Variants in EFHC2 observed in about 807,000 individuals in gnomAD.
The protein encoded by EFHC2 is EF-hand domain containing 2.
In EFHC2, 18 loss-of-function variants were observed where a neutral mutation model predicts 52.7. That is an observed-to-expected ratio of 0.34 (90% CI 0.24 to 0.51). The LOEUF (loss-of-function observed/expected upper bound fraction) is 0.51, where lower values mean the gene tolerates loss of function less well. Ranked by LOEUF, EFHC2 falls within the 20% of genes least tolerant of loss-of-function variation. EFHC2 has a pLI of 0.97. For missense variants in EFHC2, 513 were observed against 562.5 expected (o/e 0.91, Z 0.89); for synonymous variants, 203 against 204.1 (o/e 0.99, Z 0.04).
At chrX:44,277,421 G>A (rs966391821) in intron 2 of EFHC2, among the ~76,000 whole-genome samples, 2 of 111,599 alleles carry the variant, frequency 1.8e-5, no homozygotes, top group Admixed American at 9.5e-5. Flanking sequence ...TATGAAAAAG[G>A]TTCAGACTTA....
intron 9 of EFHC2, among the ~76,000 whole-genome samples, chrX:44,235,097 C>A (rs2037308674): frequency 9.0e-6 from 1 of 111,028 alleles, no homozygotes; most frequent in African/African-American, 3.3e-5. Context: ...CCTAAGCCAA[C>A]CAAAACTGTT....
At chrX:44,292,457 A>G (rs1378078893) in intron 2 of EFHC2, among the ~76,000 whole-genome samples, 1 of 112,072 alleles carries the variant, frequency 8.9e-6, no homozygotes, top group Admixed American at 9.5e-5. Context: ...CACATGAAAC[A>G]AAGTTGTGTA....
At chrX:44,210,312 T>C (rs2037085677) in intron 11 of EFHC2, among the ~76,000 whole-genome samples, 1 of 112,213 alleles carries the variant, frequency 8.9e-6, no homozygotes, top group Non-Finnish European at 1.9e-5. Context: ...ACAGGGTTTG[T>C]TATAGAAATT....
At chrX:44,275,885 G>C (rs1221865516) in intron 2 of EFHC2, among the ~76,000 whole-genome samples, 1 of 105,432 alleles carries the variant, frequency 9.5e-6, no homozygotes, top group Non-Finnish European at 1.9e-5. Context: ...CTGCACTCCA[G>C]CCTGGGTGAT....
At chrX:44,328,492 T>C (rs2038065734) in intron 1 of EFHC2, among the ~76,000 whole-genome samples, 2 of 111,061 alleles carry the variant, frequency 1.8e-5, no homozygotes, top group African/African-American at 6.6e-5. Context: ...GCTGACTTCT[T>C]AGAACTAAAT....
At chrX:44,265,919 A>T (rs2037573334) in intron 3 of EFHC2, among the ~76,000 whole-genome samples, 1 of 112,276 alleles carries the variant, frequency 8.9e-6, no homozygotes, top group Non-Finnish European at 1.9e-5. Flanking sequence ...AAGAATAAGA[A>T]GTTAAAAATT....
At chrX:44,331,807 C>A (rs1460426224) in intron 1 of EFHC2, among the ~76,000 whole-genome samples, 1 of 110,063 alleles carries the variant, frequency 9.1e-6, no homozygotes, top group Non-Finnish European at 1.9e-5. Flanking sequence ...ACCTGTGGTC[C>A]CGGCTACTCA....
chrX:44,300,709 G>T (rs958677352), intron 2 of EFHC2, among the ~76,000 whole-genome samples: 3 of 111,579 alleles, frequency 2.7e-5, no homozygotes, highest in Non-Finnish European at 3.8e-5. Flanking sequence ...CAGAAGTAAC[G>T]AATTAGCCAC....
At chrX:44,179,410 C>G (rs772169794) in intron 11 of EFHC2, among the ~76,000 whole-genome samples, 1 of 112,003 alleles carries the variant, frequency 8.9e-6, no homozygotes, top group South Asian at 3.7e-4. Context: ...CCTGAATAAA[C>G]AAGGGAATAG....
intron 2 of EFHC2, chrX:44,309,560 C>A: frequency 3.0e-5 from 35 of 1,184,990 alleles, no homozygotes; most frequent in Non-Finnish European, 3.9e-5. Flanking sequence ...ACAGGCAAGG[C>A]CTCGGTGAGG....
chrX:44,179,553 AAGCCCAC>A (rs1281423326), intron 11 of EFHC2, among the ~76,000 whole-genome samples: 1 of 112,236 alleles, frequency 8.9e-6, no homozygotes, highest in East Asian at 2.8e-4. Flanking sequence ...GAGTCTAGGA[AAGCCCAC>A]AGCATTGATG....
intron 1 of EFHC2, 49 bp from the exon 2 acceptor site, chrX:44,312,805 C>T: frequency 9.5e-7 from 1 of 1,048,333 alleles, no homozygotes; most frequent in East Asian, 3.5e-5. Flanking sequence ...CTCTTTATGA[C>T]TTTTCTAACC....
intron 1 of EFHC2, among the ~76,000 whole-genome samples, chrX:44,332,803 G>A (rs1165323011): frequency 9.0e-6 from 1 of 111,453 alleles, no homozygotes; most frequent in Non-Finnish European, 1.9e-5. Flanking sequence ...GAGGCTTTGT[G>A]TCACAATTTA....
chrX:44,320,399 C>G (rs2038010867), intron 1 of EFHC2, among the ~76,000 whole-genome samples: 1 of 112,143 alleles, frequency 8.9e-6, no homozygotes, highest in Non-Finnish European at 1.9e-5. Flanking sequence ...GATTAACTGG[C>G]AGGCATAACA....
At chrX:44,260,318 T>C (rs1432053988) in intron 4 of EFHC2, among the ~76,000 whole-genome samples, 1 of 111,554 alleles carries the variant, frequency 9.0e-6, no homozygotes, top group Non-Finnish European at 1.9e-5. Context: ...GTGACAATGA[T>C]GGAAATCAGG....
At chrX:44,338,441 C>T (rs1340808837) in intron 1 of EFHC2, among the ~76,000 whole-genome samples, 1 of 109,736 alleles carries the variant, frequency 9.1e-6, no homozygotes, top group Non-Finnish European at 1.9e-5. Flanking sequence ...GTTGAGGCTG[C>T]GTGCAGTGAA....
intron 3 of EFHC2, 83 bp downstream of exon 3, chrX:44,272,603 G>A (rs2037625447): frequency 9.9e-7 from 1 of 1,014,642 alleles, no homozygotes; most frequent in Admixed American, 3.4e-5. Flanking sequence ...GTAGCATGCA[G>A]TCTTTTGAAA....
chrX:44,169,996 T>C (rs1299288667), intron 13 of EFHC2, among the ~76,000 whole-genome samples: 8 of 111,990 alleles, frequency 7.1e-5, no homozygotes, highest in Non-Finnish European at 1.3e-4. Flanking sequence ...TGGCTTCTTC[T>C]TGTGAATGGG....
intron 9 of EFHC2, among the ~76,000 whole-genome samples, chrX:44,235,022 T>TACCTCAGAGGC (rs1223853305): frequency 9.0e-6 from 1 of 111,074 alleles, no homozygotes; most frequent in Admixed American, 9.6e-5. Flanking sequence ...TCCACAGAGG[T>TACCTCAGAGGC]ACCTCAGAGG....
Sources: allele counts gnomAD v4.1 joint callset (sites outside exome capture counted in the v4.1 genomes callset), GRCh38; gene constraint gnomAD v4.1.1; transcripts MANE v1.5; gene names NCBI Gene and HGNC (gene_info 2026-07-23, HGNC 2026-07-21).